CNTN5: variants seen among roughly 807,000 people sequenced by gnomAD.
CNTN5 encodes contactin-5.
Under a neutral mutation model 129.1 loss-of-function variants are expected in CNTN5, and 77 were observed. The ratio of observed to expected loss-of-function variants is 0.60; its 90% confidence interval spans 0.50 to 0.72. The LOEUF (loss-of-function observed/expected upper bound fraction) is 0.72, where lower values mean the gene tolerates loss of function less well. Ranked by LOEUF, CNTN5 falls within the 30% of genes least tolerant of loss-of-function variation. The pLI, the probability that CNTN5 is intolerant of heterozygous loss-of-function variation, is 0.00. For synonymous variants in CNTN5, 509 were observed against 465.6 expected, an observed-to-expected ratio of 1.09 and a Z score of -1.20; for missense variants, 1,478 against 1,328.8, an observed-to-expected ratio of 1.11 and a Z score of -1.75.
At position 99,942,192 on chromosome 11, in the gene CNTN5, C is replaced by T. The variant is rs116187993; in HGVS notation, c.674-14614C>T. 5.2e-3 allele frequency among the ~76,000 whole-genome samples: 796 copies of T among 152,000 alleles called. 10 individuals are homozygous for T. Among genetic ancestry groups the T allele is most frequent in the African/African-American group, 0.018 (743 of 41,484 alleles). On this transcript the variant is annotated intron_variant, in intron 7 of 24. Transcript: ENST00000524871. ...AAGTTTATTTTTCACCTGTATGCCA[C>T]GTTTGCACAGTAAGTGTATGACAGA... is the stretch of plus-strand genomic sequence containing the variant.
chr11:99,814,615 G>A (rs1946525322), intron 3 of CNTN5, among the ~76,000 whole-genome samples: 1 of 152,012 alleles, frequency 6.6e-6, no homozygotes, highest in African/African-American at 2.4e-5. Flanking sequence ...TGTGCCTGAA[G>A]GTGCATTGAA....
At chr11:99,971,244 A>C (rs1951242295) in intron 8 of CNTN5, among the ~76,000 whole-genome samples, 1 of 152,084 alleles carries the variant, frequency 6.6e-6, no homozygotes, top group African/African-American at 2.4e-5. Context: ...ACCCTTTCTC[A>C]TGTTAAGATA....
intron 3 of CNTN5, among the ~76,000 whole-genome samples, chr11:99,580,568 T>G (rs1002005829): frequency 5.3e-5 from 8 of 152,334 alleles, no homozygotes; most frequent in African/African-American, 1.9e-4. Context: ...GGAGGGTGTA[T>G]GTGCCGAGGA....
At chr11:99,237,909 G>A (rs78287756) in intron 1 of CNTN5, among the ~76,000 whole-genome samples, 14,570 of 152,124 alleles carry the variant, frequency 0.096, 740 homozygotes, top group South Asian at 0.15. Context: ...AAAAGTCAAT[G>A]AAAATGATTT....
intron 13 of CNTN5, among the ~76,000 whole-genome samples, chr11:100,171,103 CA>C (rs1947813513): frequency 1.3e-5 from 2 of 151,634 alleles, no homozygotes; most frequent in African/African-American, 4.8e-5. Flanking sequence ...TGACTCTGTT[CA>C]AAAAAATAAC....
chr11:99,764,490 A>G (rs1360134824), intron 3 of CNTN5, among the ~76,000 whole-genome samples: 1 of 152,098 alleles, frequency 6.6e-6, no homozygotes, highest in Non-Finnish European at 1.5e-5. Context: ...ATCTTGGCTC[A>G]CTGCAACCTC....
chr11:99,056,498 T>C (rs1043576493), intron 1 of CNTN5, among the ~76,000 whole-genome samples: 2 of 151,992 alleles, frequency 1.3e-5, no homozygotes, highest in Admixed American at 1.3e-4. Context: ...CCAGTAAAGA[T>C]GCTGGATACT....
chr11:99,572,760 G>GA (rs1949215430), intron 3 of CNTN5, among the ~76,000 whole-genome samples: 1 of 30,144 alleles, frequency 3.3e-5, no homozygotes, highest in African/African-American at 6.4e-5. Flanking sequence ...ATAATTGAGG[G>GA]TTTTTTTTAA....
chr11:99,933,037 C>G (rs1950227518), intron 7 of CNTN5, among the ~76,000 whole-genome samples: 1 of 152,100 alleles, frequency 6.6e-6, no homozygotes, highest in African/African-American at 2.4e-5. Flanking sequence ...TACTTGATAA[C>G]TACTGTTTAT....
At chr11:99,820,290 G>T (rs1946756584) in intron 4 of CNTN5, among the ~76,000 whole-genome samples, 1 of 152,298 alleles carries the variant, frequency 6.6e-6, no homozygotes, top group Admixed American at 6.5e-5. Context: ...AGGCCAATTT[G>T]ACAGTGAATA....
At chr11:100,231,349 A>G (rs1949483845) in intron 16 of CNTN5, among the ~76,000 whole-genome samples, 1 of 152,206 alleles carries the variant, frequency 6.6e-6, no homozygotes, top group Non-Finnish European at 1.5e-5. Flanking sequence ...GGGTCTTATA[A>G]AAGGCAATAA....
chr11:99,720,868 A>C (rs944162901), intron 3 of CNTN5, among the ~76,000 whole-genome samples: 1 of 152,184 alleles, frequency 6.6e-6, no homozygotes, highest in African/African-American at 2.4e-5. Flanking sequence ...AGGCAAACCA[A>C]AGGGCATATC....
At chr11:99,880,918 C>T (rs1948755991) in intron 6 of CNTN5, among the ~76,000 whole-genome samples, 1 of 152,052 alleles carries the variant, frequency 6.6e-6, no homozygotes, top group Non-Finnish European at 1.5e-5. Context: ...AAAAAATTGT[C>T]TCTCTTTGAA....
At chr11:99,574,322 GT>G (rs1333699162) in intron 3 of CNTN5, among the ~76,000 whole-genome samples, 2 of 152,112 alleles carry the variant, frequency 1.3e-5, no homozygotes, top group Non-Finnish European at 2.9e-5. Context: ...GGGCATTTGG[GT>G]TGATTCCATT....
chr11:99,883,799 C>A (rs1225977910), intron 6 of CNTN5, among the ~76,000 whole-genome samples: 1 of 152,144 alleles, frequency 6.6e-6, no homozygotes, highest in Non-Finnish European at 1.5e-5. Flanking sequence ...AATCAGCTTT[C>A]TTTAAGAACA....
intron 1 of CNTN5, among the ~76,000 whole-genome samples, chr11:99,064,100 A>G (rs995466242): frequency 1.2e-4 from 19 of 152,084 alleles, no homozygotes; most frequent in Middle Eastern, 3.2e-3. Context: ...CATCAACTCA[A>G]AGGAAAACCT....
At chr11:99,779,766 C>A (rs1380364537) in intron 3 of CNTN5, among the ~76,000 whole-genome samples, 1 of 151,980 alleles carries the variant, frequency 6.6e-6, no homozygotes, top group Non-Finnish European at 1.5e-5. Flanking sequence ...GTTCTTATTA[C>A]ATCAGTTTGT....
At chr11:99,774,341 T>G (rs946527119) in intron 3 of CNTN5, among the ~76,000 whole-genome samples, 1 of 151,950 alleles carries the variant, frequency 6.6e-6, no homozygotes, top group African/African-American at 2.4e-5. Context: ...GGTTTTTTTT[T>G]TGGGGGGGTG....
At chr11:99,193,523 A>T (rs2135597904) in intron 1 of CNTN5, among the ~76,000 whole-genome samples, 1 of 152,270 alleles carries the variant, frequency 6.6e-6, no homozygotes, top group East Asian at 1.9e-4. Flanking sequence ...AGGATTAGAA[A>T]CATTCTTCTT....
Sources: gnomAD v4.1 joint callset for allele counts (sites outside exome capture counted in the v4.1 genomes callset) on GRCh38, gnomAD v4.1.1 for gene constraint, MANE v1.5 for transcripts, NCBI Gene and HGNC (gene_info 2026-07-23, HGNC 2026-07-21) for gene names.